The following GRID2IP variants were observed in gnomAD, a reference collection of about 807,000 sequenced individuals.
GRID2IP encodes Grid2 interacting protein.
Under a neutral mutation model 114.3 loss-of-function variants are expected in GRID2IP, and 78 were observed. That is an observed-to-expected ratio of 0.68 (90% confidence interval 0.57 to 0.82). The LOEUF (loss-of-function observed/expected upper bound fraction) is 0.82, where lower values mean the gene tolerates loss of function less well. Ranked by LOEUF, GRID2IP falls within the 40% of genes least tolerant of loss-of-function variation. The pLI is 0.00. For missense variants in GRID2IP, 1,727 were observed against 1,678.5 expected (o/e 1.03, Z -0.51); for synonymous variants, 809 against 724.0 (o/e 1.12, Z -1.89).
rs1165930650 is a variant in GRID2IP, at chr7:6,509,075, G to A, written c.2010C>T (p.Phe670=). 1 of 1,332,554 alleles carries A rather than the reference G, an allele frequency of 7.5e-7. No individual in the cohort carries two copies. The highest frequency in any genetic ancestry group is 1.0e-6 in the Non-Finnish European group (1 of 998,538). The allele number at this position is 1,332,554 out of a possible 1,614,324, so 82.5% of individuals were successfully genotyped here. Residue 670 remains phenylalanine, a synonymous_variant, in exon 12 of 22, where the codon TTC becomes TTT. Coordinates refer to ENST00000457091, the MANE Select transcript of GRID2IP (RefSeq NM_001145118.2). This position sits in a 1 kb window ranked among gnomAD's most constrained non-coding sequence, Gnocchi z 4.9. The part of the protein sequence containing the change: ...RPPSRRKLFT[F]SHPVRSRDTD... ...TATCGCGGCTTCGCACAGGGTGGGA[G>A]AAGGTGAAGAGCTTCCTGCGGCTGG... is the stretch of plus-strand genomic sequence containing the variant.
Position 6,501,787 on chromosome 7 carries a change from G to T in GRID2IP, c.3393C>A (p.Val1131=). The T allele has an allele frequency of 1.3e-6, 2 of 1,549,652 alleles. No homozygotes were observed. The highest frequency in any genetic ancestry group is 2.4e-5 in the South Asian group (2 of 83,998). ...SPSSEDKFAM[V]MSSFLETAQP... ...CAGGCTGCTCAGAGGATGCCGACAT[G>T]ACCATTGCAAACTTGTCCTCGCTAG... The change falls in exon 20 of 22, where the codon GTC becomes GTA. Residue 1131 remains valine, a synonymous_variant. Transcript: ENST00000457091.
chr7:6,515,967 T>C (rs1779289063), intron 7 of GRID2IP, among the ~76,000 whole-genome samples: 2 of 151,518 alleles, frequency 1.3e-5, no homozygotes, highest in Non-Finnish European at 2.9e-5. Flanking sequence ...CGTGGTGGTG[T>C]GTGCCTGTAA....
chr7:6,500,783 G>A (rs117581740), intron 20 of GRID2IP, among the ~76,000 whole-genome samples: 1 of 152,226 alleles, frequency 6.6e-6, no homozygotes, highest in Non-Finnish European at 1.5e-5. Flanking sequence ...GAGCCAGAGA[G>A]GGGGAGCAGC....
intron 1 of GRID2IP, among the ~76,000 whole-genome samples, chr7:6,540,771 C>A (rs986497107): frequency 1.4e-5 from 2 of 147,304 alleles, no homozygotes; most frequent in African/African-American, 5.1e-5. Flanking sequence ...CCTCAGGTGA[C>A]CCACCCACCT....
At chr7:6,525,034 G>C (rs540876274) in intron 4 of GRID2IP, among the ~76,000 whole-genome samples, 1 of 152,170 alleles carries the variant, frequency 6.6e-6, no homozygotes, top group African/African-American at 2.4e-5. Context: ...GGCCGAGTGT[G>C]GTGCTCTTGC....
rs568334669 is a variant in GRID2IP, at chr7:6,521,454, C to T, written c.1059G>A (p.Glu353=). 2.8e-5 allele frequency: 44 copies of T among 1,548,848 alleles called. No homozygotes were observed. In the South Asian group the frequency reaches 4.3e-4, roughly 15 times the overall value. ...CACTGGCAAATGGGACGAGCCCTTC[C>T]TCCACCACCAGCGTGGGCATGGCAC... ...GSGAMPTLVV[E]EGLVPFASDS... The change falls in exon 6 of 22, where the codon GAG becomes GAA. Residue 353 remains glutamate, a synonymous_variant. Transcript: ENST00000457091. The surrounding 1 kb of genome is among the most constrained non-coding windows in gnomAD (Gnocchi z 4.1).
chr7:6,515,021 G>C (rs866416817), intron 7 of GRID2IP, among the ~76,000 whole-genome samples: 1 of 151,584 alleles, frequency 6.6e-6, no homozygotes. Flanking sequence ...TCCAGGGATA[G>C]GGTAGCCAGA....
At chr7:6,503,317 C>T (rs1350801872) in intron 16 of GRID2IP, among the ~76,000 whole-genome samples, 154 bp from the exon 17 acceptor site, 2 of 152,232 alleles carry the variant, frequency 1.3e-5, no homozygotes, top group African/African-American at 4.8e-5. Flanking sequence ...AGCCCGCCTC[C>T]CATGTACCTT....
At chr7:6,502,343 G>C (rs1471371670) in intron 18 of GRID2IP, among the ~76,000 whole-genome samples, 1 of 152,022 alleles carries the variant, frequency 6.6e-6, no homozygotes, top group African/African-American at 2.4e-5. Flanking sequence ...TTCCACCTCA[G>C]TCTCCCAAGT....
In GRID2IP at chr7:6,521,858, C is replaced by T. The variant is rs778360765; in HGVS notation, c.989+30G>A. ...GCAGGGGGTGGGGGCAGCTCCTCAC[C>T]AACCCCTGGTGTCCCCAATAGCCTC... On this transcript the variant is annotated intron_variant, in intron 5 of 21. Transcript: ENST00000457091. This position sits in a 1 kb window ranked among gnomAD's most constrained non-coding sequence, Gnocchi z 4.1. The T allele has an allele frequency of 5.2e-6, 8 of 1,528,332 alleles. No individual in the cohort carries two copies. In the African/African-American group the frequency reaches 9.7e-5, roughly 18 times the overall value. The allele number at this position is 1,528,332 out of a possible 1,614,324, so 94.7% of individuals were successfully genotyped here. A position where few individuals can be genotyped will look rare whatever the true frequency, so the allele number is the denominator to read the frequency against.
rs1779784897 is a variant in GRID2IP, at chr7:6,539,782, GATCAT to G, written c.515_519del (p.Asp172AlafsTer84). Reference sequence around the variant, plus strand: ...AGCGCCAGGGTGAGAGTCCACACCAGATCATCCACCCGCTGCTCAGCTGCAAACTG... The same window carrying G: ...AGCGCCAGGGTGAGAGTCCACACCAGCCACCCGCTGCTCAGCTGCAAACTG... On this transcript the variant is annotated frameshift_variant, in exon 2 of 22. Transcript: ENST00000457091. LOFTEE classifies it high-confidence loss of function. The G allele has an allele frequency of 1.3e-6, 2 of 1,550,556 alleles. No individual in the cohort carries two copies. Among genetic ancestry groups the G allele is most frequent in the Admixed American group, 2.0e-5 (1 of 50,962 alleles).
intron 7 of GRID2IP, among the ~76,000 whole-genome samples, chr7:6,517,812 A>T (rs1406318297): frequency 6.6e-6 from 1 of 152,038 alleles, no homozygotes; most frequent in Non-Finnish European, 1.5e-5. Context: ...CTGAGGCAGG[A>T]GACACACTTG....
intron 1 of GRID2IP, among the ~76,000 whole-genome samples, chr7:6,542,280 A>G (rs1054899131): frequency 7.6e-6 from 1 of 131,874 alleles, no homozygotes; most frequent in African/African-American, 2.8e-5. Context: ...ACTCCAGCCT[A>G]GGCAACAAGA....
intron 8 of GRID2IP, among the ~76,000 whole-genome samples, chr7:6,511,812 G>A (rs2115368761): frequency 6.6e-6 from 1 of 152,280 alleles, no homozygotes; most frequent in South Asian, 2.1e-4. Flanking sequence ...CAGCAACTCT[G>A]CAGCGGCCCC....
Position 6,536,302 on chromosome 7 carries a change from C to T in GRID2IP, c.584+3416G>A, listed in dbSNP as rs545418717. On this transcript the variant is annotated intron_variant, in intron 2 of 21. Coordinates refer to ENST00000457091, the MANE Select transcript of GRID2IP (RefSeq NM_001145118.2). This position sits in a 1 kb window ranked among gnomAD's most constrained non-coding sequence, Gnocchi z 5.3. The stretch of plus-strand genomic sequence containing the variant: ...TCCCCAGTTTTCCTGGCGCACTTGA[C>T]ACGCGCTTACAGCAGAGGCTGCCGT... 1.4e-3 allele frequency among the ~76,000 whole-genome samples: 212 copies of T among 152,352 alleles called. 1 individual carries two copies. Among genetic ancestry groups the T allele is most frequent in the Admixed American group, 4.7e-3 (72 of 15,304 alleles).
chr7:6,513,596 G>A (rs536767058), intron 8 of GRID2IP, among the ~76,000 whole-genome samples: 61 of 152,258 alleles, frequency 4.0e-4, no homozygotes, highest in Middle Eastern at 6.8e-3. Flanking sequence ...CATTTTGTGG[G>A]TGCAAAAACT....
intron 18 of GRID2IP, 86 bp downstream of exon 18, chr7:6,502,700 G>T: frequency 1.1e-6 from 1 of 920,692 alleles, no homozygotes; most frequent in Non-Finnish European, 1.7e-6. Flanking sequence ...GTCCTCTTCT[G>T]CCCTCTGCCA....
intron 7 of GRID2IP, among the ~76,000 whole-genome samples, chr7:6,517,634 C>T (rs905663565): frequency 3.9e-5 from 6 of 152,114 alleles, no homozygotes; most frequent in South Asian, 2.1e-4. Context: ...GTCCAGCCGT[C>T]GTGGCTCACA....
rs1231250915 is a variant in GRID2IP at position 6,520,884 on chromosome 7, T to C, written c.1085-123A>G. On this transcript the variant is annotated intron_variant, in intron 6 of 21. Transcript: ENST00000457091. The surrounding 1 kb of genome is among the most constrained non-coding windows in gnomAD (Gnocchi z 4.6). ...GGGTGTGGCTGTCCAGTGCCATGCA[T>C]GGGAAGGCATGCCTGTGGCCCGACA... 4.7e-5 allele frequency: 43 copies of C among 906,760 alleles called. No individual in the cohort carries two copies. Among genetic ancestry groups the C allele is most frequent in the Non-Finnish European group, 6.8e-5 (41 of 606,430 alleles). 56.2% of individuals were successfully genotyped at this position (906,760 alleles called of 1,614,324 possible).
Sources: gnomAD v4.1 joint callset for allele counts (sites outside exome capture counted in the v4.1 genomes callset) on GRCh38, gnomAD v4.1.1 for gene constraint, Gnocchi (gnomAD v3.1) non-coding constraint, MANE v1.5 for transcripts, NCBI Gene and HGNC (gene_info 2026-07-23, HGNC 2026-07-21) for gene names.